Variants in SEMA5A observed in about 807,000 individuals in gnomAD.
SEMA5A encodes the protein semaphorin-5A.
Under a neutral mutation model 135.5 loss-of-function variants are expected in SEMA5A, and 55 were observed. The ratio of observed to expected loss-of-function variants is 0.41; its 90% CI spans 0.33 to 0.51. SEMA5A has a LOEUF of 0.51. Among genes scored for constraint, SEMA5A ranks in the 20% least tolerant of loss-of-function variants. The probability of loss-of-function intolerance (pLI) is 0.37; values close to 1 mark genes in which losing one functional copy is unlikely to be tolerated. For missense variants in SEMA5A, 1,290 were observed against 1,419.9 expected (o/e 0.91, Z 1.47); for synonymous variants, 580 against 546.5 (o/e 1.06, Z -0.85).
intron 4 of SEMA5A, among the ~76,000 whole-genome samples, chr5:9,325,790 A>G (rs368963614): frequency 8.0e-5 from 12 of 149,848 alleles, no homozygotes; most frequent in South Asian, 6.6e-4. Flanking sequence ...GAATAACTCA[A>G]TTGGCCTCTG....
chr5:9,443,970 C>T (rs114943705), intron 1 of SEMA5A, among the ~76,000 whole-genome samples: 1,662 of 152,342 alleles, frequency 0.011, 16 homozygotes, highest in South Asian at 0.019. Flanking sequence ...CCGCATACCC[C>T]ACCCCTTCTC....
intron 16 of SEMA5A, among the ~76,000 whole-genome samples, chr5:9,098,987 A>G (rs1189921810): frequency 6.6e-6 from 1 of 152,220 alleles, no homozygotes; most frequent in African/African-American, 2.4e-5. Context: ...TTTAAAAACT[A>G]TAGAAATGTA....
At chr5:9,044,316 T>C in intron 22 of SEMA5A, 57 bp downstream of exon 22, 1 of 1,409,276 alleles carries the variant, frequency 7.1e-7, no homozygotes, top group Non-Finnish European at 1.0e-6. Context: ...ATCAAAATAC[T>C]CCCTACAAGT....
At chr5:9,493,314 T>A (rs912266948) in intron 1 of SEMA5A, among the ~76,000 whole-genome samples, 1 of 150,274 alleles carries the variant, frequency 6.7e-6, no homozygotes, top group Admixed American at 6.6e-5. Context: ...TATAAAACAT[T>A]ATATATATAT....
intron 5 of SEMA5A, among the ~76,000 whole-genome samples, chr5:9,292,044 C>T (rs1478661135): frequency 6.6e-6 from 1 of 152,160 alleles, no homozygotes; most frequent in African/African-American, 2.4e-5. Context: ...GCTGTCACCC[C>T]TGCCTCAGGA....
At chr5:9,190,138 G>T in intron 11 of SEMA5A, 129 bp downstream of exon 11, 2 of 882,086 alleles carry the variant, frequency 2.3e-6, no homozygotes, top group Non-Finnish European at 3.5e-6. Context: ...AGCATCGCGG[G>T]TTTTGCTGGT....
intron 16 of SEMA5A, among the ~76,000 whole-genome samples, chr5:9,084,851 A>G (rs933551851): frequency 2.0e-5 from 3 of 152,238 alleles, no homozygotes; most frequent in African/African-American, 7.2e-5. Flanking sequence ...AATGTGGGAA[A>G]GTTTGGAACT....
intron 2 of SEMA5A, among the ~76,000 whole-genome samples, chr5:9,434,432 AT>A (rs1326263402): frequency 8.5e-5 from 13 of 152,240 alleles, no homozygotes; most frequent in Admixed American, 7.2e-4. Flanking sequence ...CACTTTAAAA[AT>A]TTTTTTAATT....
chr5:9,088,549 A>C (rs1738838528), intron 16 of SEMA5A, among the ~76,000 whole-genome samples: 1 of 149,388 alleles, frequency 6.7e-6, no homozygotes, highest in South Asian at 2.1e-4. Context: ...TACATTACAA[A>C]ATGTCGGGAA....
In SEMA5A at chr5:9,108,154, C is replaced by G. The variant is rs185267139; in HGVS notation, c.2059G>C (p.Ala687Pro). ...AGGCTACTCACCACATTGCAGCCTG[C>G]ACAGTCAGGCCCATTCTCACAGATC... ...RRICENGPDC[A>P]GCNVEYQSCN... Residue 687 changes from alanine to proline, a missense_variant, in exon 16 of 23, where the codon GCA becomes CCA. Ala to Pro is a conservative substitution (Grantham distance 27). This residue lies in a region of SEMA5A where 1,029 missense variants were observed against 1,086.6 expected (regional missense o/e 0.95). Transcript: ENST00000382496. 2 of 1,614,020 alleles carry G rather than the reference C, an allele frequency of 1.2e-6. No individual in the cohort carries two copies. Among genetic ancestry groups the G allele is most frequent in the South Asian group, 2.2e-5 (2 of 91,036 alleles).
At chr5:9,521,937 T>TCCTC (rs1389585375) in intron 1 of SEMA5A, among the ~76,000 whole-genome samples, 1 of 152,088 alleles carries the variant, frequency 6.6e-6, no homozygotes, top group Non-Finnish European at 1.5e-5. Flanking sequence ...GTCCTCAGGA[T>TCCTC]CCTCCCTCCC....
At chr5:9,197,747 TGTGTGTGTG>T (rs1745485294) in intron 9 of SEMA5A, among the ~76,000 whole-genome samples, 6 of 134,152 alleles carry the variant, frequency 4.5e-5, no homozygotes, top group African/African-American at 1.4e-4. Context: ...TGTGTGTGTG[TGTGTGTGTG>T]TGTGTGTGTG....
chr5:9,331,906 C>T (rs748668861), intron 4 of SEMA5A, among the ~76,000 whole-genome samples: 5 of 152,120 alleles, frequency 3.3e-5, no homozygotes, highest in Non-Finnish European at 7.4e-5. Flanking sequence ...AAATAATAAA[C>T]GAAAAGGATC....
chr5:9,314,828 A>G (rs753022953), intron 5 of SEMA5A, among the ~76,000 whole-genome samples: 4 of 152,176 alleles, frequency 2.6e-5, no homozygotes, highest in Non-Finnish European at 5.9e-5. Flanking sequence ...CCAATGGTAC[A>G]GCAGTCTGAC....
intron 1 of SEMA5A, among the ~76,000 whole-genome samples, chr5:9,489,455 G>T (rs1734893986): frequency 6.6e-6 from 1 of 152,134 alleles, no homozygotes; most frequent in Non-Finnish European, 1.5e-5. Context: ...AGGTGGGAAG[G>T]AGGGCCAGGG....
chr5:9,379,802 C>T (rs1755514409), intron 3 of SEMA5A, 21 bp downstream of exon 3: 2 of 1,603,546 alleles, frequency 1.2e-6, no homozygotes, highest in African/African-American at 1.3e-5. Flanking sequence ...GCTTTGCAAT[C>T]AGTGCGTGCT....
In SEMA5A at chr5:9,507,561, C is replaced by T. The variant is rs951675730; in HGVS notation, c.-175+38023G>A. ...CTTATTTCTTGGCTTCCATATTTGA[C>T]GCAATCTCCTGTAAAGTCTTTGAGA... On this transcript the variant is annotated intron_variant, in intron 1 of 22. Coordinates refer to ENST00000382496, the MANE Select transcript of SEMA5A (RefSeq NM_003966.3). Among the ~76,000 whole-genome samples, 5 of 152,184 alleles carry T rather than the reference C, an allele frequency of 3.3e-5. No individual in the cohort carries two copies. The South Asian group carries it at 6.2e-4, about 19-fold the overall frequency.
chr5:9,390,834 CA>C (rs1438280098), intron 2 of SEMA5A: 1 of 152,120 alleles, frequency 6.6e-6, no homozygotes, highest in Non-Finnish European at 1.5e-5. Flanking sequence ...AAAAAAGATG[CA>C]AAAAATCCAA....
At chr5:9,456,251 G>A (rs1385895284) in intron 1 of SEMA5A, among the ~76,000 whole-genome samples, 1 of 152,224 alleles carries the variant, frequency 6.6e-6, no homozygotes, top group Non-Finnish European at 1.5e-5. Context: ...CCATGCCAAG[G>A]AGGAAACTGT....
Sources: allele counts gnomAD v4.1 joint callset (sites outside exome capture counted in the v4.1 genomes callset), GRCh38; gene constraint gnomAD v4.1.1; regional missense constraint gnomAD v4.1.1; transcripts MANE v1.5; gene names NCBI Gene and HGNC (gene_info 2026-07-23, HGNC 2026-07-21).